STRN: variants seen among roughly 807,000 people sequenced by gnomAD.
STRN encodes striatin, also known as protein phosphatase 2 regulatory subunit B'''alpha.
Under a neutral mutation model 96.3 loss-of-function variants are expected in STRN, and 53 were observed. The ratio of observed to expected loss-of-function variants is 0.55; its 90% CI spans 0.44 to 0.69. STRN has a LOEUF of 0.69. STRN is among the 30% of genes least tolerant of loss of function. The pLI is 0.00. For missense variants in STRN, 987 were observed against 963.9 expected, an observed-to-expected ratio of 1.02 and a Z score of -0.32; for synonymous variants, 428 against 355.9, an observed-to-expected ratio of 1.20 and a Z score of -2.28.
At chr2:36,946,856 T>C (rs1670998487) in intron 1 of STRN, among the ~76,000 whole-genome samples, 1 of 152,200 alleles carries the variant, frequency 6.6e-6, no homozygotes, top group Non-Finnish European at 1.5e-5. Flanking sequence ...TGATTCATTT[T>C]CCAAATCTTT....
At chr2:36,919,214 T>C (rs1220268987) in intron 2 of STRN, among the ~76,000 whole-genome samples, 3 of 151,706 alleles carry the variant, frequency 2.0e-5, no homozygotes, top group African/African-American at 4.8e-5. Flanking sequence ...TAGGTAAGGG[T>C]GGAAGGTGAG....
intron 9 of STRN, among the ~76,000 whole-genome samples, chr2:36,880,350 G>A (rs1253469165): frequency 1.3e-5 from 2 of 152,194 alleles, no homozygotes; most frequent in African/African-American, 4.8e-5. Context: ...TGAGGCAGGA[G>A]GATCTCTTGA....
chr2:36,934,846 A>G (rs1434421379), intron 1 of STRN, among the ~76,000 whole-genome samples: 1 of 152,176 alleles, frequency 6.6e-6, no homozygotes, highest in African/African-American at 2.4e-5. Context: ...AGAAGCCTAG[A>G]TGGATGGATC....
chr2:36,964,557 C>T (rs906791512), intron 1 of STRN, among the ~76,000 whole-genome samples: 3 of 152,056 alleles, frequency 2.0e-5, no homozygotes, highest in African/African-American at 7.2e-5. Flanking sequence ...AATACTACAG[C>T]AATATAACAA....
In STRN at chr2:36,861,187, T is replaced by G. The variant is rs747813175; in HGVS notation, c.1614A>C (p.Gly538=). 8.7e-6 allele frequency: 14 copies of G among 1,614,004 alleles called. No homozygotes were observed. In the Admixed American group the frequency reaches 2.0e-4, roughly 23 times the overall value. Reference sequence around the variant, plus strand: ...TAGTGGTATTCCAGCCCTGGATCAGTCCATCAGTACCACCACTGTAACACT... The same window carrying G: ...TAGTGGTATTCCAGCCCTGGATCAGGCCATCAGTACCACCACTGTAACACT... ...GEQCYSGGTD[G]LIQGWNTTNP... is the part of the protein sequence containing the mutation. Residue 538 remains glycine (G), a synonymous_variant, in exon 13 of 18, where the codon GGA becomes GGC. Transcript: ENST00000263918.
chr2:36,929,528 G>A (rs1380784536), intron 1 of STRN, among the ~76,000 whole-genome samples: 4 of 152,088 alleles, frequency 2.6e-5, no homozygotes, highest in South Asian at 2.1e-4. Context: ...GGGATTACAG[G>A]TGCACACCAC....
chr2:36,907,284 T>G (rs2148206867), intron 3 of STRN, among the ~76,000 whole-genome samples: 1 of 152,334 alleles, frequency 6.6e-6, no homozygotes, highest in Non-Finnish European at 1.5e-5. Context: ...GCACAGTGGC[T>G]CACACCTGTA....
At chr2:36,907,726 T>C (rs1005233940) in intron 3 of STRN, among the ~76,000 whole-genome samples, 4 of 152,186 alleles carry the variant, frequency 2.6e-5, no homozygotes, top group Non-Finnish European at 5.9e-5. Context: ...TTGTAAGTGT[T>C]GAATTTCTGT....
intron 12 of STRN, among the ~76,000 whole-genome samples, chr2:36,864,064 T>C (rs929821161): frequency 2.6e-5 from 4 of 152,216 alleles, no homozygotes; most frequent in Admixed American, 6.5e-5. Flanking sequence ...GGGAAGAGAC[T>C]ATAGCATTTT....
chr2:36,884,687 C>T (rs1414405429), intron 8 of STRN, among the ~76,000 whole-genome samples: 1 of 152,104 alleles, frequency 6.6e-6, no homozygotes. Context: ...AAGAATACAA[C>T]TATTTTTAAG....
chr2:36,905,619 C>T lies in STRN; in HGVS notation c.413-1G>A, dbSNP rs1412890891. The T allele has an allele frequency of 6.2e-7, 1 of 1,612,606 alleles. No homozygotes were observed. Among genetic ancestry groups the T allele is most frequent in the South Asian group, 1.1e-5 (1 of 91,008 alleles). The stretch of plus-strand genomic sequence containing the variant: ...TGCACTTCTGTTTCATTACCTTCAT[C>T]TAGAAAACATTAAGTCATAATAAAA... On this transcript the variant is annotated splice_acceptor_variant, in intron 3 of 17. Coordinates refer to ENST00000263918, the MANE Select transcript of STRN (RefSeq NM_003162.4). LOFTEE classifies it high-confidence loss of function.
intron 1 of STRN, among the ~76,000 whole-genome samples, chr2:36,926,679 T>C (rs1670419245): frequency 6.6e-6 from 1 of 152,174 alleles, no homozygotes; most frequent in South Asian, 2.1e-4. Flanking sequence ...TAGGCTTTTG[T>C]TTTCATTTCA....
intron 4 of STRN, among the ~76,000 whole-genome samples, chr2:36,904,767 G>A (rs917926257): frequency 5.9e-5 from 9 of 152,200 alleles, no homozygotes; most frequent in African/African-American, 2.2e-4. Flanking sequence ...GGCAGCAGTT[G>A]CTGTAAGCCA....
chr2:36,963,967 C>A (rs1397436517), intron 1 of STRN, among the ~76,000 whole-genome samples: 1 of 150,396 alleles, frequency 6.6e-6, no homozygotes, highest in Non-Finnish European at 1.5e-5. Flanking sequence ...CCGGCCTGGG[C>A]AACAGAGCGA....
chr2:36,898,268 C>A (rs565456098), intron 6 of STRN, among the ~76,000 whole-genome samples: 2 of 152,258 alleles, frequency 1.3e-5, no homozygotes, highest in East Asian at 3.9e-4. Context: ...AAGGGACTAC[C>A]CAATTTCCAG....
intron 3 of STRN, among the ~76,000 whole-genome samples, chr2:36,911,914 G>A (rs1490499354): frequency 1.3e-5 from 2 of 152,114 alleles, no homozygotes; most frequent in Non-Finnish European, 2.9e-5. Flanking sequence ...TAGTCTTCCT[G>A]TTTACCATTA....
Position 36,855,787 on chromosome 2 carries a change from C to T in STRN, c.1838-435G>A, listed in dbSNP as rs72868395. Among the ~76,000 whole-genome samples, 416 of 152,124 alleles carry T rather than the reference C, an allele frequency of 2.7e-3. 1 individual carries two copies. The highest frequency in any genetic ancestry group is 9.5e-3 in the African/African-American group (395 of 41,500). Reference sequence around the variant, plus strand: ...AGTAAAATTTAAAATTATTATTTATCGTTAGAGTCATGCAAATACCATATG... The same window carrying T: ...AGTAAAATTTAAAATTATTATTTATTGTTAGAGTCATGCAAATACCATATG... On this transcript the variant is annotated intron_variant, in intron 14 of 17. Transcript: ENST00000263918.
chr2:36,905,488 A>G, intron 4 of STRN, 52 bp downstream of exon 4: 2 of 1,508,644 alleles, frequency 1.3e-6, no homozygotes, highest in Non-Finnish European at 1.8e-6. Context: ...ATAACTTCAT[A>G]AAACTGTTTC....
intron 3 of STRN, among the ~76,000 whole-genome samples, chr2:36,913,850 C>G (rs1670025488): frequency 6.6e-6 from 1 of 152,124 alleles, no homozygotes; most frequent in African/African-American, 2.4e-5. Context: ...GTTTACAGAT[C>G]AGGAATGGAG....
Sources: gnomAD v4.1 joint callset for allele counts (sites outside exome capture counted in the v4.1 genomes callset) on GRCh38, gnomAD v4.1.1 for gene constraint, MANE v1.5 for transcripts, NCBI Gene and HGNC (gene_info 2026-07-23, HGNC 2026-07-21) for gene names.